Variants in ACOXL observed in about 807,000 individuals in gnomAD.
ACOXL encodes the protein acyl-CoA oxidase like.
ACOXL carries 70 observed loss-of-function variants against 71.9 expected under a neutral mutation model. The observed-to-expected ratio is 0.97, with a 90% CI of 0.80 to 1.19. The LOEUF is 1.19. Ranked by LOEUF, ACOXL falls within the 50% of genes most tolerant of loss-of-function variation. ACOXL has a pLI of 0.00. For synonymous variants in ACOXL, 253 were observed against 281.6 expected (o/e 0.90, Z 1.02); for missense variants, 703 against 736.3 (o/e 0.95, Z 0.52).
At chr2:110,768,538 G>T (rs1308123469) in intron 2 of ACOXL, 74 bp downstream of exon 2, 8 of 1,324,938 alleles carry the variant, frequency 6.0e-6, no homozygotes, top group South Asian at 5.1e-5. Flanking sequence ...GAGAGAGAGA[G>T]TTTTTTTCTC....
chr2:110,806,613 CGGATGCA>C (rs1334878978), intron 9 of ACOXL, among the ~76,000 whole-genome samples: 1 of 152,232 alleles, frequency 6.6e-6, no homozygotes, highest in Non-Finnish European at 1.5e-5. Context: ...GGTTAAACAT[CGGATGCA>C]GGGTTAGCTG....
At chr2:110,994,435 A>G (rs575398632) in intron 13 of ACOXL, among the ~76,000 whole-genome samples, 1 of 87,440 alleles carries the variant, frequency 1.1e-5, no homozygotes, top group African/African-American at 5.4e-5. Context: ...TTGAGCAACA[A>G]CAGCCACTTG....
At chr2:111,028,605 A>T (rs1390672490) in intron 14 of ACOXL, among the ~76,000 whole-genome samples, 1 of 152,170 alleles carries the variant, frequency 6.6e-6, no homozygotes, top group East Asian at 1.9e-4. Context: ...CTTTACCTTT[A>T]AGTATGATGT....
intron 1 of ACOXL, among the ~76,000 whole-genome samples, chr2:110,762,894 C>A (rs1680585637): frequency 6.6e-6 from 1 of 152,194 alleles, no homozygotes; most frequent in South Asian, 2.1e-4. Context: ...TGGGCTCGAG[C>A]AATCTGCCCA....
intron 10 of ACOXL, among the ~76,000 whole-genome samples, chr2:110,846,742 C>T (rs1347127802): frequency 6.6e-6 from 1 of 151,372 alleles, no homozygotes; most frequent in Non-Finnish European, 1.5e-5. Context: ...CTTGCTAGAC[C>T]AGTTATTCCA....
chr2:111,026,751 G>A (rs1433365511), intron 14 of ACOXL, among the ~76,000 whole-genome samples: 4 of 152,116 alleles, frequency 2.6e-5, no homozygotes, highest in African/African-American at 9.7e-5. Context: ...GGGGTTCTTG[G>A]ATCATGTGCA....
chr2:110,803,247 A>G (rs1206780004), intron 8 of ACOXL, among the ~76,000 whole-genome samples: 1 of 152,258 alleles, frequency 6.6e-6, no homozygotes, highest in Non-Finnish European at 1.5e-5. Flanking sequence ...AGAACAAAGT[A>G]GGAGGACTCA....
At chr2:110,923,383 A>C (rs1558735693) in intron 11 of ACOXL, among the ~76,000 whole-genome samples, 1 of 151,998 alleles carries the variant, frequency 6.6e-6, no homozygotes, top group Non-Finnish European at 1.5e-5. Flanking sequence ...ACTTTCCATG[A>C]ATGTAGGCTG....
At chr2:110,965,005 A>G (rs2061864926) in intron 12 of ACOXL, among the ~76,000 whole-genome samples, 1 of 152,054 alleles carries the variant, frequency 6.6e-6, no homozygotes, top group Non-Finnish European at 1.5e-5. Context: ...AGCCTCTGGT[A>G]TCTATCATTC....
At chr2:110,915,428 A>T (rs2458548) in intron 11 of ACOXL, among the ~76,000 whole-genome samples, 75,830 of 107,668 alleles carry the variant, frequency 0.7, 24,166 homozygotes, top group Admixed American at 0.76. Context: ...ATATATATAT[A>T]TTTTTTTTTT....
intron 16 of ACOXL, among the ~76,000 whole-genome samples, chr2:111,061,603 CCTT>C (rs1314899168): frequency 1.3e-5 from 2 of 152,104 alleles, no homozygotes; most frequent in South Asian, 2.1e-4. Flanking sequence ...AATTAGCTCT[CCTT>C]CTCCTTTTGA....
intron 16 of ACOXL, among the ~76,000 whole-genome samples, chr2:111,055,501 A>C (rs1174173631): frequency 6.6e-6 from 1 of 152,236 alleles, no homozygotes; most frequent in Non-Finnish European, 1.5e-5. Flanking sequence ...GGCTCTTGCC[A>C]TGCCCAAGGA....
chr2:110,845,618 AC>A (rs1433812366), intron 10 of ACOXL, among the ~76,000 whole-genome samples: 1 of 152,104 alleles, frequency 6.6e-6, no homozygotes, highest in Admixed American at 6.6e-5. Flanking sequence ...CCTGACAACC[AC>A]CATTTTACTT....
At chr2:110,798,258 CT>C (rs112847463) in intron 5 of ACOXL, among the ~76,000 whole-genome samples, 7,491 of 137,794 alleles carry the variant, frequency 0.054, 233 homozygotes, top group African/African-American at 0.11. Context: ...GTATTCATTG[CT>C]TTTTTTTTTT....
At chr2:110,938,669 C>T (rs2060755008) in intron 12 of ACOXL, among the ~76,000 whole-genome samples, 2 of 152,060 alleles carry the variant, frequency 1.3e-5, no homozygotes, top group African/African-American at 2.4e-5. Context: ...GACTGATGTG[C>T]ACAGACATTG....
At chr2:110,838,702 C>T (rs1440823726) in intron 9 of ACOXL, among the ~76,000 whole-genome samples, 2 of 152,230 alleles carry the variant, frequency 1.3e-5, no homozygotes, top group Non-Finnish European at 2.9e-5. Context: ...AACTTTTCTA[C>T]ACTGTTCCAG....
chr2:110,836,046 G>A (rs1690424943), intron 9 of ACOXL, among the ~76,000 whole-genome samples: 1 of 152,192 alleles, frequency 6.6e-6, no homozygotes, highest in African/African-American at 2.4e-5. Flanking sequence ...AGCATCATTA[G>A]CTTATCAGCA....
intron 16 of ACOXL, among the ~76,000 whole-genome samples, chr2:111,091,553 T>C (rs1031644129): frequency 6.6e-6 from 1 of 152,194 alleles, no homozygotes. Context: ...AACCACATAA[T>C]TTATATGATT....
At chr2:110,943,258 A>G (rs1009024971) in intron 12 of ACOXL, among the ~76,000 whole-genome samples, 2 of 142,896 alleles carry the variant, frequency 1.4e-5, no homozygotes, top group African/African-American at 5.5e-5. Context: ...AAAAGAAAAG[A>G]AAGGAGGGAG....
Sources: gnomAD v4.1 joint callset for allele counts (sites outside exome capture counted in the v4.1 genomes callset) on GRCh38, gnomAD v4.1.1 for gene constraint, MANE v1.5 for transcripts, NCBI Gene and HGNC (gene_info 2026-07-23, HGNC 2026-07-21) for gene names.